The following TSKS variants were observed in gnomAD, a reference collection of about 807,000 sequenced individuals.
TSKS encodes testis specific serine kinase substrate, also known as testis-specific serine kinase substrate.
Under a neutral mutation model 68.0 loss-of-function variants are expected in TSKS, and 27 were observed. That is an observed-to-expected ratio of 0.40 (90% CI 0.29 to 0.55). The LOEUF (loss-of-function observed/expected upper bound fraction) is 0.55. TSKS is among the 20% of genes least tolerant of loss of function. TSKS has a pLI of 0.53. For missense variants in TSKS, 806 were observed against 776.0 expected (o/e 1.04, Z -0.46); for synonymous variants, 331 against 340.4 (o/e 0.97, Z 0.30).
chr19:49,745,731 C>T (rs1025389262), intron 6 of TSKS, among the ~76,000 whole-genome samples: 2 of 152,118 alleles, frequency 1.3e-5, no homozygotes, highest in African/African-American at 4.8e-5. Flanking sequence ...AGGACCACTC[C>T]TCTCCTAAGC....
At position 49,750,261 on chromosome 19, in the gene TSKS, T is replaced by G. The variant is rs539015449; in HGVS notation, c.400-1792A>C. ...TGTATAACTTCAATATCATTGACAT[T>G]CTTTTTTTTTTTTTTTTTGACAGAG... On this transcript the variant is annotated intron_variant, in intron 2 of 10. Coordinates refer to ENST00000246801, the MANE Select transcript of TSKS (RefSeq NM_021733.2). 1.2e-4 allele frequency among the ~76,000 whole-genome samples: 16 copies of G among 134,084 alleles called. No homozygotes were observed. In the South Asian group the frequency reaches 3.8e-3, roughly 32 times the overall value. 88.0% of individuals were successfully genotyped at this position (134,084 alleles called of 152,430 possible). A position where few individuals can be genotyped will look rare whatever the true frequency, so the allele number is the denominator to read the frequency against.
chr19:49,747,492 G>A lies in TSKS; in HGVS notation c.580-20C>T, dbSNP rs558556464. The A allele has an allele frequency of 6.9e-5, 112 of 1,612,186 alleles. No homozygotes were observed. In the South Asian group the frequency reaches 9.6e-4, roughly 14 times the overall value. ...GTTCTCCTGGGTCAGACACCAGGGC[G>A]AGGGCCCTGCCTTCCCATTCCAGTT... On this transcript the variant is annotated intron_variant, in intron 4 of 10. Transcript: ENST00000246801.
Position 49,762,106 on chromosome 19 carries a change from G to A in TSKS, c.297C>T (p.Asp99=), listed in dbSNP as rs1171587262. ...GGCCGCTGAGGTCTTCCACTGTGGA[G>A]TCTGTCCCCGTGGAGTCAGTGGGCT... ...AMEPTDSTGT[D]STVEDLSGQL... is the part of the protein sequence containing the mutation. The change falls in exon 2 of 11, where the codon GAC becomes GAT. Residue 99 remains aspartate (D), a synonymous_variant. Transcript: ENST00000246801. 8 of 1,614,060 alleles carry A rather than the reference G, an allele frequency of 5.0e-6. No homozygotes were observed. Among genetic ancestry groups the A allele is most frequent in the African/African-American group, 4.0e-5 (3 of 74,932 alleles).
chr19:49,753,574 A>G (rs2084368490), intron 2 of TSKS, among the ~76,000 whole-genome samples: 1 of 146,262 alleles, frequency 6.8e-6, no homozygotes, highest in African/African-American at 2.5e-5. Context: ...TAATAATAAT[A>G]ATAATAATAA....
chr19:49,746,196 A>G (rs2084297722), intron 6 of TSKS, among the ~76,000 whole-genome samples: 1 of 151,556 alleles, frequency 6.6e-6, no homozygotes, highest in Admixed American at 6.6e-5. Flanking sequence ...AAAACAAAAC[A>G]AAACAAAAAA....
intron 8 of TSKS, among the ~76,000 whole-genome samples, chr19:49,743,694 G>A: frequency 6.6e-6 from 1 of 150,660 alleles, no homozygotes; most frequent in East Asian, 2.0e-4. Context: ...TAGAGACGGT[G>A]TTTCACCATG....
intron 7 of TSKS, 95 bp downstream of exon 7, chr19:49,745,107 G>T: frequency 7.9e-7 from 1 of 1,260,192 alleles, no homozygotes; most frequent in Non-Finnish European, 1.1e-6. Flanking sequence ...CCTGGCCATA[G>T]CTGATTGGCC....
intron 2 of TSKS, among the ~76,000 whole-genome samples, chr19:49,752,440 T>C (rs1466381342): frequency 1.3e-5 from 2 of 150,806 alleles, no homozygotes; most frequent in African/African-American, 2.4e-5. Flanking sequence ...TCTTGCCAGG[T>C]GATATGCTGG....
intron 2 of TSKS, among the ~76,000 whole-genome samples, chr19:49,760,929 A>G (rs776334918): frequency 6.6e-6 from 1 of 151,916 alleles, no homozygotes; most frequent in Non-Finnish European, 1.5e-5. Flanking sequence ...TTTCTACTAA[A>G]AATACAAAAT....
At chr19:49,748,251 C>A in intron 3 of TSKS, 83 bp from the exon 4 acceptor site, 1 of 1,578,428 alleles carries the variant, frequency 6.3e-7, no homozygotes, top group East Asian at 2.2e-5. Context: ...GGGAAGGTTC[C>A]TTTTCTTTCT....
chr19:49,754,473 C>T (rs998455761), intron 2 of TSKS, among the ~76,000 whole-genome samples: 3 of 150,502 alleles, frequency 2.0e-5, no homozygotes, highest in East Asian at 2.0e-4. Context: ...CACTCAAGCC[C>T]GGGTGATAGA....
At chr19:49,761,016 C>G (rs984961391) in intron 2 of TSKS, among the ~76,000 whole-genome samples, 1 of 151,924 alleles carries the variant, frequency 6.6e-6, no homozygotes, top group African/African-American at 2.4e-5. Flanking sequence ...TGAACCCGGC[C>G]GGGAAGCAGA....
rs755133449 is a variant in TSKS, at chr19:49,742,000, G to A, written c.1382C>T (p.Thr461Met). ...GTCCAGCAGCTGCTGCAGGGACTCC[G>A]TAGACAACTGCGACCCCTGGCTGGG... The part of the protein sequence containing the change: ...RCASQGSQLS[T>M]ESLQQLLDRA... The change falls in exon 9 of 11, where the codon ACG becomes ATG. Residue 461 changes from threonine to methionine, a missense_variant. By Grantham distance (81) the Thr-to-Met change is moderately conservative. Transcript: ENST00000246801. 2.9e-5 allele frequency: 47 copies of A among 1,614,072 alleles called. No homozygotes were observed. Among genetic ancestry groups the A allele is most frequent in the Non-Finnish European group, 3.6e-5 (42 of 1,180,020 alleles).
chr19:49,743,927 G>C (rs1428848958), intron 8 of TSKS, among the ~76,000 whole-genome samples: 1 of 150,952 alleles, frequency 6.6e-6, no homozygotes, highest in Non-Finnish European at 1.5e-5. Flanking sequence ...GGCTAGTCTC[G>C]AACTCCTGAC....
At chr19:49,741,864 G>T (rs780122398) in intron 9 of TSKS, 21 bp downstream of exon 9, 3 of 1,614,080 alleles carry the variant, frequency 1.9e-6, no homozygotes, top group Non-Finnish European at 2.5e-6. Context: ...GTGGGACATG[G>T]TGGCCCATAT....
intron 6 of TSKS, 137 bp from the exon 7 acceptor site, chr19:49,745,533 C>A (rs1237597568): frequency 3.0e-6 from 2 of 666,322 alleles, no homozygotes; most frequent in African/African-American, 3.7e-5. Context: ...CCACCCAGGT[C>A]ACCAAATTTT....
intron 8 of TSKS, 103 bp from the exon 9 acceptor site, chr19:49,742,123 T>TATGCACCCTATGCAACCTTCCCAGC: frequency 7.8e-7 from 1 of 1,286,790 alleles, no homozygotes; most frequent in Admixed American, 2.1e-5. Flanking sequence ...TCGTTTCCAG[T>TATGCACCCTATGCAACCTTCCCAGC]ATGCACCCTA....
In TSKS at chr19:49,748,434, G is replaced by A. The variant is rs1008195532; in HGVS notation, c.435C>T (p.Asp145=). ...GVNSGLVRAK[D]SITSLKEKTN... Reference sequence around the variant, plus strand: ...TCTTTTCCTTCAAGCTGGTGATGGAGTCTTTGGCGCGGACCAATCCACTGT... The same window carrying A: ...TCTTTTCCTTCAAGCTGGTGATGGAATCTTTGGCGCGGACCAATCCACTGT... The change falls in exon 3 of 11, where the codon GAC becomes GAT. Residue 145 remains aspartate (D), a synonymous_variant. Coordinates refer to ENST00000246801, the MANE Select transcript of TSKS (RefSeq NM_021733.2). 1 of 1,614,144 alleles carries A rather than the reference G, an allele frequency of 6.2e-7. No individual in the cohort carries two copies. Among genetic ancestry groups the A allele is most frequent in the Non-Finnish European group, 8.5e-7 (1 of 1,180,052 alleles).
rs1195448520 is a variant in TSKS, at chr19:49,763,034, T to C, written c.170+44A>G. ...CGGACTCCTGCTCTGTTGGAGGTAGTGCTGGGCATTAGAACCATCCCTGAC... is the reference window on the plus strand; with the variant it reads ...CGGACTCCTGCTCTGTTGGAGGTAGCGCTGGGCATTAGAACCATCCCTGAC... On this transcript the variant is annotated intron_variant, in intron 1 of 10. Transcript: ENST00000246801. The surrounding 1 kb of genome is among the most constrained non-coding windows in gnomAD (Gnocchi z 4.5). The C allele has an allele frequency of 6.3e-7, 1 of 1,582,888 alleles. No homozygotes were observed. Among genetic ancestry groups the C allele is most frequent in the South Asian group, 1.2e-5 (1 of 86,636 alleles).
Sources: gnomAD v4.1 joint callset for allele counts (sites outside exome capture counted in the v4.1 genomes callset) on GRCh38, gnomAD v4.1.1 for gene constraint, Gnocchi (gnomAD v3.1) non-coding constraint, MANE v1.5 for transcripts, NCBI Gene and HGNC (gene_info 2026-07-23, HGNC 2026-07-21) for gene names.